LRMDA: variants seen among roughly 807,000 people sequenced by gnomAD.
The protein encoded by LRMDA is leucine rich melanocyte differentiation associated, also known as leucine-rich melanocyte differentiation-associated protein.
A neutral mutation model predicts 29.8 loss-of-function variants in LRMDA; 18 were observed. The observed-to-expected ratio is 0.60, with a 90% CI of 0.42 to 0.90. The LOEUF (loss-of-function observed/expected upper bound fraction) is 0.90. LRMDA is among the 40% of genes least tolerant of loss of function. The pLI is 0.00. For missense variants in LRMDA, 273 were observed against 273.9 expected, an observed-to-expected ratio of 1.00 and a Z score of 0.02; for synonymous variants, 125 against 109.4, an observed-to-expected ratio of 1.14 and a Z score of -0.89.
intron 2 of LRMDA, among the ~76,000 whole-genome samples, chr10:75,924,662 A>G (rs540366914): frequency 3.0e-4 from 45 of 152,236 alleles, no homozygotes; most frequent in Admixed American, 2.4e-3. Flanking sequence ...TGAAAAGCAA[A>G]GGAATCCGCC....
At chr10:76,264,406 C>CAAAAAAAAAAAAAAAAAAAAAA (rs59846541) in intron 5 of LRMDA, among the ~76,000 whole-genome samples, 2 of 34,270 alleles carry the variant, frequency 5.8e-5, no homozygotes. Context: ...GACTCTGTCT[C>CAAAAAAAAAAAAAAAAAAAAAA]AAAAAAAAAA....
intron 6 of LRMDA, among the ~76,000 whole-genome samples, chr10:76,422,800 C>T (rs1454346588): frequency 6.6e-6 from 1 of 152,194 alleles, no homozygotes; most frequent in Non-Finnish European, 1.5e-5. Flanking sequence ...GGGGCATCTA[C>T]CCCTACACAT....
chr10:75,983,853 C>T (rs1287775708), intron 2 of LRMDA, among the ~76,000 whole-genome samples: 3 of 152,138 alleles, frequency 2.0e-5, no homozygotes, highest in Non-Finnish European at 2.9e-5. Flanking sequence ...TGGGGTTTCA[C>T]GATGTTGGTC....
intron 2 of LRMDA, among the ~76,000 whole-genome samples, chr10:75,445,422 G>T (rs1009808799): frequency 1.3e-5 from 2 of 152,006 alleles, no homozygotes; most frequent in African/African-American, 2.4e-5. Context: ...GGGCAGCTTT[G>T]GTACAGATGT....
chr10:76,117,423 C>T (rs1408278021), intron 5 of LRMDA, among the ~76,000 whole-genome samples: 1 of 152,164 alleles, frequency 6.6e-6, no homozygotes, highest in East Asian at 1.9e-4. Context: ...GGGTAAAGTA[C>T]AAAGGATACT....
intron 5 of LRMDA, chr10:76,318,913 T>C (rs1840733941): frequency 6.6e-6 from 1 of 152,284 alleles, no homozygotes; most frequent in Non-Finnish European, 1.5e-5. Flanking sequence ...TATGTAGTTT[T>C]TTTTTTGTTT....
At chr10:75,542,503 G>A in intron 2 of LRMDA, among the ~76,000 whole-genome samples, 1 of 151,864 alleles carries the variant, frequency 6.6e-6, no homozygotes, top group East Asian at 1.9e-4. Flanking sequence ...ATTTCTTCTA[G>A]ACAACCCCAC....
chr10:76,557,107 C>T, intron 6 of LRMDA, 102 bp from the exon 7 acceptor site: 1 of 889,880 alleles, frequency 1.1e-6, no homozygotes. Flanking sequence ...TTCTGCTGCC[C>T]ATTGGATCTA....
intron 5 of LRMDA, among the ~76,000 whole-genome samples, chr10:76,237,602 G>A (rs1852176153): frequency 6.6e-6 from 1 of 152,056 alleles, no homozygotes; most frequent in Non-Finnish European, 1.5e-5. Context: ...TCTTTGCAAT[G>A]TTGTCTTTTT....
chr10:75,645,526 T>C (rs927294648), intron 2 of LRMDA, among the ~76,000 whole-genome samples: 9 of 151,906 alleles, frequency 5.9e-5, no homozygotes, highest in Non-Finnish European at 1.3e-4. Context: ...CGTGGCCTGG[T>C]GGTGGAGGTG....
At chr10:76,203,432 G>T (rs965563822) in intron 5 of LRMDA, among the ~76,000 whole-genome samples, 4 of 152,198 alleles carry the variant, frequency 2.6e-5, no homozygotes, top group Non-Finnish European at 5.9e-5. Context: ...ATGAGCCACT[G>T]TCCCTGGCCC....
chr10:75,639,880 C>G lies in LRMDA; in HGVS notation c.131+201386C>G, dbSNP rs545914238. ...GGACATTAAGATTAAGTGATGCTGT[C>G]GTGTTGAGGAGCACGGCACTGCATC... On this transcript the variant is annotated intron_variant, in intron 2 of 6. Coordinates refer to ENST00000611255, the MANE Select transcript of LRMDA (RefSeq NM_001305581.2). 2.6e-5 allele frequency among the ~76,000 whole-genome samples: 4 copies of G among 152,144 alleles called. No individual in the cohort carries two copies. In the East Asian group the frequency reaches 5.8e-4, roughly 22 times the overall value.
At chr10:75,433,199 C>T (rs1334463957) in intron 1 of LRMDA, among the ~76,000 whole-genome samples, 7 of 152,234 alleles carry the variant, frequency 4.6e-5, no homozygotes, top group African/African-American at 1.4e-4. Flanking sequence ...CCCCCCAGAC[C>T]CTAGGTCTCT....
At chr10:75,804,450 T>C (rs950794622) in intron 2 of LRMDA, among the ~76,000 whole-genome samples, 1 of 152,212 alleles carries the variant, frequency 6.6e-6, no homozygotes, top group African/African-American at 2.4e-5. Flanking sequence ...GCAGAGTGAC[T>C]GGTGACAAAA....
In LRMDA at chr10:76,488,909, G is replaced by T. The variant is rs947750039; in HGVS notation, c.602-68300G>T. Among the ~76,000 whole-genome samples the T allele has an allele frequency of 2.6e-5, 4 of 151,778 alleles. No individual in the cohort carries two copies. The East Asian group carries it at 7.8e-4, about 30-fold the overall frequency. On this transcript the variant is annotated intron_variant, in intron 6 of 6. Coordinates refer to ENST00000611255, the MANE Select transcript of LRMDA (RefSeq NM_001305581.2). ...TTTGGTTTACTAGTATTTTCTTGGGGATTTTTGCATCAATATTCATCAGGG... is the reference window on the plus strand; with the variant it reads ...TTTGGTTTACTAGTATTTTCTTGGGTATTTTTGCATCAATATTCATCAGGG...
chr10:75,978,596 G>T (rs1369908131), intron 2 of LRMDA, among the ~76,000 whole-genome samples: 1 of 152,206 alleles, frequency 6.6e-6, no homozygotes, highest in African/African-American at 2.4e-5. Flanking sequence ...AGGAGGTGGA[G>T]AATGGGTGTG....
chr10:76,293,215 A>G (rs1838387791), intron 5 of LRMDA, among the ~76,000 whole-genome samples: 1 of 152,192 alleles, frequency 6.6e-6, no homozygotes, highest in African/African-American at 2.4e-5. Flanking sequence ...TCCTGGCCTC[A>G]AGTGATCTGC....
chr10:75,502,330 T>C (rs879285228), intron 2 of LRMDA, among the ~76,000 whole-genome samples: 6 of 152,166 alleles, frequency 3.9e-5, no homozygotes, highest in Non-Finnish European at 5.9e-5. Flanking sequence ...TCATGATCTA[T>C]TTCACCATTT....
At chr10:76,442,857 A>G (rs1038115375) in intron 6 of LRMDA, among the ~76,000 whole-genome samples, 1 of 152,210 alleles carries the variant, frequency 6.6e-6, no homozygotes, top group Non-Finnish European at 1.5e-5. Flanking sequence ...GTCTTCTAAT[A>G]TAGAACATTT....
Sources: allele counts gnomAD v4.1 joint callset (sites outside exome capture counted in the v4.1 genomes callset), GRCh38; gene constraint gnomAD v4.1.1; transcripts MANE v1.5; gene names NCBI Gene and HGNC (gene_info 2026-07-23, HGNC 2026-07-21).